Variants in SNTB1 observed in about 807,000 individuals in gnomAD.
SNTB1 encodes the protein syntrophin beta 1.
Under a neutral mutation model 48.9 loss-of-function variants are expected in SNTB1, and 36 were observed. The observed-to-expected ratio is 0.74, with a 90% CI of 0.56 to 0.97. The LOEUF is 0.97. Among genes scored for constraint, SNTB1 ranks in the 50% least tolerant of loss-of-function variants. The probability of loss-of-function intolerance (pLI) is 0.00; values close to 1 mark genes in which losing one functional copy is unlikely to be tolerated. For synonymous variants in SNTB1, 299 were observed against 294.6 expected (o/e 1.01, Z -0.15); for missense variants, 786 against 703.4 (o/e 1.12, Z -1.33).
intron 1 of SNTB1, among the ~76,000 whole-genome samples, chr8:120,741,243 T>G (rs1485984822): frequency 2.0e-5 from 3 of 152,244 alleles, no homozygotes; most frequent in Non-Finnish European, 4.4e-5. Flanking sequence ...TTTCTTTCTT[T>G]GTTTTAAGCA....
At chr8:120,709,603 T>C (rs1818431243) in intron 1 of SNTB1, among the ~76,000 whole-genome samples, 1 of 152,240 alleles carries the variant, frequency 6.6e-6, no homozygotes, top group Non-Finnish European at 1.5e-5. Flanking sequence ...GAGATCATAC[T>C]GTTATCATTA....
intron 1 of SNTB1, among the ~76,000 whole-genome samples, chr8:120,775,707 C>CAAGGAAGGAAGGAAGGAAGGAAGGAAGG (rs371412589): frequency 7.0e-5 from 8 of 114,410 alleles, no homozygotes; most frequent in Admixed American, 1.9e-4. Flanking sequence ...GGGAAGGAGA[C>CAAGGAAGGAAGGAAGGAAGGAAGGAAGG]AAGGAAGGAA....
At chr8:120,547,610 A>C (rs1352183423) in intron 5 of SNTB1, among the ~76,000 whole-genome samples, 1 of 151,674 alleles carries the variant, frequency 6.6e-6, no homozygotes, top group Non-Finnish European at 1.5e-5. Context: ...AAAAAAAAAA[A>C]AAACAACTTT....
rs140010525 is a variant in SNTB1, at chr8:120,731,396, T to C, written c.572-37488A>G. 2.7e-4 allele frequency among the ~76,000 whole-genome samples: 41 copies of C among 152,218 alleles called. No homozygotes were observed. In the East Asian group the frequency reaches 7.2e-3, roughly 27 times the overall value. On this transcript the variant is annotated intron_variant, in intron 1 of 6. Coordinates refer to ENST00000517992, the MANE Select transcript of SNTB1 (RefSeq NM_021021.4). ...TAAAAAGGGGCAGCAGCTCTTTACT[T>C]TCAGAGAGAGTGAAAGATGTGAAAG...
At position 120,541,907 on chromosome 8, in the gene SNTB1, T is replaced by A. The variant is rs371616597; in HGVS notation, c.1427A>T (p.Lys476Met). 31 of 1,614,042 alleles carry A rather than the reference T, an allele frequency of 1.9e-5. No homozygotes were observed. In the African/African-American group the frequency reaches 3.6e-4, roughly 19 times the overall value. ...TTEPQEGAFPKTIIQSPYEKL... is the reference protein window; with the variant it reads ...TTEPQEGAFPMTIIQSPYEKL... ...TTCATAAGGAGACTGTATGATGGTC[T>A]TGGGAAAGGCACCCTCCTGTGGTTC... is the stretch of plus-strand genomic sequence containing the variant. Residue 476 changes from lysine to methionine, a missense_variant, in exon 6 of 7, where the codon AAG (lysine) becomes ATG (methionine). Coordinates refer to ENST00000517992, the MANE Select transcript of SNTB1 (RefSeq NM_021021.4).
rs1818055917 is a variant in SNTB1, at chr8:120,687,658, G to A, written c.788+6034C>T. Among the ~76,000 whole-genome samples, 3 of 152,320 alleles carry A rather than the reference G, an allele frequency of 2.0e-5. No homozygotes were observed. In the South Asian group the frequency reaches 6.2e-4, roughly 32 times the overall value. On this transcript the variant is annotated intron_variant, in intron 2 of 6. Transcript: ENST00000517992. ...CTTGTGTAGCTTATCTACTCAGAAA[G>A]AGTGCATCACTATTCTTTGAAAGTC...
intron 4 of SNTB1, among the ~76,000 whole-genome samples, chr8:120,571,868 T>C (rs1815860364): frequency 6.6e-6 from 1 of 152,130 alleles, no homozygotes. Context: ...ATTTTGAAGC[T>C]TGAAAGCTTC....
At chr8:120,808,287 A>C (rs567990512) in intron 1 of SNTB1, among the ~76,000 whole-genome samples, 12 of 152,326 alleles carry the variant, frequency 7.9e-5, no homozygotes, top group Admixed American at 6.5e-4. Flanking sequence ...TAATAACAAC[A>C]GTACTGGCCT....
intron 5 of SNTB1, among the ~76,000 whole-genome samples, chr8:120,543,978 CA>C (rs1476009461): frequency 7.1e-6 from 1 of 141,674 alleles, no homozygotes; most frequent in Non-Finnish European, 1.5e-5. Context: ...TTTTTTGAGA[CA>C]GGGGTCTACG....
intron 1 of SNTB1, among the ~76,000 whole-genome samples, chr8:120,741,417 T>C (rs1337351501): frequency 6.6e-6 from 1 of 152,190 alleles, no homozygotes; most frequent in East Asian, 1.9e-4. Flanking sequence ...GAGACCAGCC[T>C]GGCCAACATG....
intron 2 of SNTB1, chr8:120,637,283 A>T: frequency 3.0e-6 from 1 of 338,462 alleles, no homozygotes; most frequent in South Asian, 3.7e-5. Context: ...CCCAGAGAAC[A>T]TCAGCTTGGC....
Position 120,541,809 on chromosome 8 carries a change from C to A in SNTB1, c.1524+1G>T, listed in dbSNP as rs1815292809. ...CACTGTCTAAAGAAAAGTACACTTACAATCTCTCCATCTTTGCCTCCAAAA... is the reference window on the plus strand; with the variant it reads ...CACTGTCTAAAGAAAAGTACACTTAAAATCTCTCCATCTTTGCCTCCAAAA... On this transcript the variant is annotated splice_donor_variant, in intron 6 of 6. Transcript: ENST00000517992. LOFTEE classifies it high-confidence loss of function. The A allele has an allele frequency of 6.2e-7, 1 of 1,606,158 alleles. No homozygotes were observed. The highest frequency in any genetic ancestry group is 1.3e-5 in the African/African-American group (1 of 74,558).
intron 3 of SNTB1, among the ~76,000 whole-genome samples, chr8:120,620,090 G>A (rs1277729128): frequency 2.6e-5 from 4 of 151,526 alleles, no homozygotes; most frequent in East Asian, 1.9e-4. Flanking sequence ...GTGTGTGTGT[G>A]CACACACACA....
At chr8:120,597,744 A>G (rs975519775) in intron 3 of SNTB1, among the ~76,000 whole-genome samples, 1 of 152,214 alleles carries the variant, frequency 6.6e-6, no homozygotes, top group Non-Finnish European at 1.5e-5. Context: ...TGCAGACTGA[A>G]TATGTTCCCC....
chr8:120,735,927 T>C (rs1347071156), intron 1 of SNTB1, among the ~76,000 whole-genome samples: 1 of 152,180 alleles, frequency 6.6e-6, no homozygotes, highest in Non-Finnish European at 1.5e-5. Flanking sequence ...CTTTTGAAAG[T>C]ATCCCCTTCT....
chr8:120,751,008 C>A (rs1487782017), intron 1 of SNTB1, among the ~76,000 whole-genome samples: 1 of 152,052 alleles, frequency 6.6e-6, no homozygotes. Context: ...GCAGAAAAAT[C>A]CTATTATCTA....
intron 4 of SNTB1, among the ~76,000 whole-genome samples, chr8:120,566,674 T>TGGA (rs1408287691): frequency 6.6e-6 from 1 of 152,176 alleles, no homozygotes; most frequent in African/African-American, 2.4e-5. Context: ...CAGAAACACC[T>TGGA]GGAGGCTTGT....
chr8:120,765,533 T>G (rs559520216), intron 1 of SNTB1, among the ~76,000 whole-genome samples: 39 of 152,134 alleles, frequency 2.6e-4, no homozygotes, highest in Non-Finnish European at 5.3e-4. Flanking sequence ...AATATCAAGG[T>G]GCTGGCATCT....
rs376509028 is a variant in SNTB1 at position 120,541,438 on chromosome 8, T to C, written c.1524+372A>G. ...GAGACTTCCCTGACGGTAGGGACCA[T>C]GTCTTTTACTTTGCTGCATCCCTAA... is the stretch of plus-strand genomic sequence containing the variant. On this transcript the variant is annotated intron_variant, in intron 6 of 6. Coordinates refer to ENST00000517992, the MANE Select transcript of SNTB1 (RefSeq NM_021021.4). Among the ~76,000 whole-genome samples the C allele has an allele frequency of 1.8e-4, 27 of 152,304 alleles. No homozygotes were observed. The East Asian group carries it at 1.9e-3, about 11-fold the overall frequency.
Sources: allele counts gnomAD v4.1 joint callset (sites outside exome capture counted in the v4.1 genomes callset), GRCh38; gene constraint gnomAD v4.1.1; transcripts MANE v1.5; gene names NCBI Gene and HGNC (gene_info 2026-07-23, HGNC 2026-07-21).